Variants in BTRC observed in about 807,000 individuals in gnomAD.
BTRC encodes beta-transducin repeat containing E3 ubiquitin protein ligase, also known as F-box/WD repeat-containing protein 1A.
BTRC carries 42 observed loss-of-function variants against 85.5 expected under a neutral mutation model. That is an observed-to-expected ratio of 0.49 (90% CI 0.38 to 0.64). The LOEUF (loss-of-function observed/expected upper bound fraction) is 0.64, where lower values mean the gene tolerates loss of function less well. BTRC is among the 30% of genes least tolerant of loss of function. The pLI, the probability that BTRC is intolerant of heterozygous loss-of-function variation, is 0.00. For synonymous variants in BTRC, 255 were observed against 263.3 expected, an observed-to-expected ratio of 0.97 and a Z score of 0.30; for missense variants, 594 against 743.5, an observed-to-expected ratio of 0.80 and a Z score of 2.34.
chr10:101,485,091 A>G (rs990353097), intron 4 of BTRC, among the ~76,000 whole-genome samples: 1 of 152,232 alleles, frequency 6.6e-6, no homozygotes, highest in Non-Finnish European at 1.5e-5. Context: ...AGCTTCAGGA[A>G]CCCTAAGTAG....
chr10:101,419,587 G>T (rs1389227148), intron 1 of BTRC, among the ~76,000 whole-genome samples: 1 of 152,126 alleles, frequency 6.6e-6, no homozygotes, highest in African/African-American at 2.4e-5. Flanking sequence ...CAGTATGACT[G>T]CTTGTTTCAT....
intron 1 of BTRC, among the ~76,000 whole-genome samples, chr10:101,357,279 A>G (rs1942064861): frequency 6.6e-6 from 1 of 150,966 alleles, no homozygotes; most frequent in Non-Finnish European, 1.5e-5. Flanking sequence ...TGTCTCTACT[A>G]AAAATACAAA....
At chr10:101,367,793 C>T (rs555051944) in intron 1 of BTRC, among the ~76,000 whole-genome samples, 22 of 152,158 alleles carry the variant, frequency 1.4e-4, no homozygotes, top group African/African-American at 4.8e-4. Context: ...TGTGTTTATT[C>T]TTGTTAATGT....
chr10:101,463,359 T>C (rs1475375662), intron 3 of BTRC, among the ~76,000 whole-genome samples: 1 of 152,080 alleles, frequency 6.6e-6, no homozygotes, highest in Non-Finnish European at 1.5e-5. Context: ...TTTGTATTTT[T>C]AGTAGAGACA....
intron 7 of BTRC, 64 bp from the exon 8 acceptor site, chr10:101,532,231 G>A: frequency 6.6e-7 from 1 of 1,519,564 alleles, no homozygotes; most frequent in South Asian, 1.3e-5. Context: ...TGTCATTAAA[G>A]CCTAAAAAGA....
At chr10:101,429,684 C>T (rs1944350659) in intron 1 of BTRC, among the ~76,000 whole-genome samples, 1 of 148,410 alleles carries the variant, frequency 6.7e-6, no homozygotes, top group African/African-American at 2.5e-5. Flanking sequence ...CTTCCCCTCG[C>T]CTTATACCCC....
At chr10:101,479,531 G>C in intron 4 of BTRC, 74 bp downstream of exon 4, 1 of 1,206,878 alleles carries the variant, frequency 8.3e-7, no homozygotes, top group South Asian at 1.3e-5. Flanking sequence ...TCTTTACTCA[G>C]TATTGCTTAA....
intron 2 of BTRC, among the ~76,000 whole-genome samples, chr10:101,454,002 G>T (rs1362432823): frequency 2.0e-5 from 3 of 152,242 alleles, no homozygotes; most frequent in African/African-American, 7.2e-5. Flanking sequence ...GCAAAAATAT[G>T]TGTCAGGCCA....
intron 3 of BTRC, among the ~76,000 whole-genome samples, chr10:101,465,306 T>C (rs568501210): frequency 2.0e-4 from 31 of 152,354 alleles, no homozygotes; most frequent in Non-Finnish European, 4.1e-4. Flanking sequence ...ACATTGTTTT[T>C]AACTAATATT....
chr10:101,407,070 A>G (rs1943646804), intron 1 of BTRC, among the ~76,000 whole-genome samples: 1 of 152,184 alleles, frequency 6.6e-6, no homozygotes. Context: ...TGAAAATGTG[A>G]AATGAAGCTG....
intron 13 of BTRC, among the ~76,000 whole-genome samples, chr10:101,545,369 T>A (rs2062542784): frequency 6.6e-6 from 1 of 152,232 alleles, no homozygotes; most frequent in African/African-American, 2.4e-5. Flanking sequence ...TAAAGACACA[T>A]ACACCTTAAA....
At chr10:101,462,172 G>A (rs577479652) in intron 3 of BTRC, 114 bp downstream of exon 3, 106 of 791,484 alleles carry the variant, frequency 1.3e-4, no homozygotes, top group African/African-American at 6.3e-4. Context: ...AAGAGTACTC[G>A]GACGTTGGCC....
At chr10:101,510,377 G>A (rs1006307330) in intron 4 of BTRC, among the ~76,000 whole-genome samples, 2 of 151,756 alleles carry the variant, frequency 1.3e-5, no homozygotes, top group African/African-American at 4.8e-5. Flanking sequence ...GAGCGTGGTG[G>A]TGGGTGCCTG....
intron 9 of BTRC, among the ~76,000 whole-genome samples, chr10:101,534,367 A>G (rs1262942397): frequency 6.6e-6 from 1 of 152,200 alleles, no homozygotes; most frequent in Non-Finnish European, 1.5e-5. Flanking sequence ...TTCCTCATTT[A>G]AAATGTATCT....
At chr10:101,536,521 C>A in intron 11 of BTRC, 22 bp from the exon 12 acceptor site, 2 of 1,557,876 alleles carry the variant, frequency 1.3e-6, no homozygotes, top group Non-Finnish European at 1.8e-6. Context: ...GAAAATTCAC[C>A]TGACTTAATT....
chr10:101,462,451 A>G (rs1260058515), intron 3 of BTRC, among the ~76,000 whole-genome samples: 1 of 152,144 alleles, frequency 6.6e-6, no homozygotes, highest in East Asian at 1.9e-4. Flanking sequence ...AGGCTGAGGC[A>G]GGCGAATACC....
Position 101,554,878 on chromosome 10 carries a change from A to AC in BTRC, c.*1758dup, listed in dbSNP as rs2062705939. 1 of 152,212 alleles carries AC rather than the reference A, an allele frequency of 6.6e-6. No individual in the cohort carries two copies. The highest frequency in any genetic ancestry group is 1.5e-5 in the Non-Finnish European group (1 of 68,040). 9.4% of individuals were successfully genotyped at this position (152,212 alleles called of 1,614,324 possible). ...AGAAGGTATCCTCTTCCCAAGGTGT[A>AC]CCCACTGAATGTTGTTACTACATAT... is the stretch of plus-strand genomic sequence containing the variant. On this transcript the variant is annotated 3_prime_UTR_variant, in exon 15 of 15. Transcript: ENST00000370187.
intron 2 of BTRC, among the ~76,000 whole-genome samples, chr10:101,449,719 G>C (rs964042344): frequency 1.3e-5 from 2 of 152,032 alleles, no homozygotes; most frequent in African/African-American, 4.8e-5. Context: ...CTTTCTATCT[G>C]AAATCCCCCT....
intron 2 of BTRC, among the ~76,000 whole-genome samples, chr10:101,434,721 G>C (rs750374889): frequency 3.3e-5 from 5 of 151,786 alleles, no homozygotes; most frequent in Non-Finnish European, 7.4e-5. Context: ...TTAAGCCCAG[G>C]AGTTCAGGGC....
Sources: gnomAD v4.1 joint callset for allele counts (sites outside exome capture counted in the v4.1 genomes callset) on GRCh38, gnomAD v4.1.1 for gene constraint, MANE v1.5 for transcripts, NCBI Gene and HGNC (gene_info 2026-07-23, HGNC 2026-07-21) for gene names.